The following ARHGEF11 variants were observed in gnomAD, a reference collection of about 807,000 sequenced individuals.
ARHGEF11 encodes the protein Rho guanine exchange factor (GEF) 11.
In ARHGEF11, 55 loss-of-function variants were observed where a neutral mutation model predicts 193.7. The ratio of observed to expected loss-of-function variants is 0.28; its 90% CI spans 0.23 to 0.36. ARHGEF11 has a LOEUF of 0.36. Ranked by LOEUF, ARHGEF11 falls within the 10% of genes least tolerant of loss-of-function variation. ARHGEF11 has a pLI of 1.00. For synonymous variants in ARHGEF11, 693 were observed against 768.0 expected (o/e 0.90, Z 1.62); for missense variants, 1,723 against 2,005.6 (o/e 0.86, Z 2.69).
At chr1:156,950,607 T>C (rs1368955862) in intron 22 of ARHGEF11, among the ~76,000 whole-genome samples, 1 of 152,028 alleles carries the variant, frequency 6.6e-6, no homozygotes, top group African/African-American at 2.4e-5. Context: ...ACCACTGCAA[T>C]CCAGCCTGGG....
chr1:156,955,595 T>G, intron 20 of ARHGEF11, 108 bp downstream of exon 20: 1 of 858,866 alleles, frequency 1.2e-6, no homozygotes. Context: ...AGTTTGGGCC[T>G]GTGGCTCCCA....
Position 156,937,335 on chromosome 1 carries a change from G to A in ARHGEF11, c.4354C>T (p.Arg1452Cys), listed in dbSNP as rs531379693. The A allele has an allele frequency of 2.2e-5, 35 of 1,613,690 alleles. No individual in the cohort carries two copies. Among genetic ancestry groups the A allele is most frequent in the East Asian group, 2.0e-4 (9 of 44,868 alleles). Reference sequence around the variant, plus strand: ...CTGAGGGCCAGGCTTGGAGGAGAGCGGCTGGGGCGTCTTGGATCATCGTTG... The same window carrying A: ...CTGAGGGCCAGGCTTGGAGGAGAGCAGCTGGGGCGTCTTGGATCATCGTTG... ...GGNDDPRRPS[R>C]SPPSLALRDV... The change falls in exon 39 of 41, where the codon CGC becomes TGC. Residue 1452 changes from arginine (R) to cysteine (C), a missense_variant. Coordinates refer to ENST00000368194, the MANE Select transcript of ARHGEF11 (RefSeq NM_198236.3).
chr1:156,994,286 C>T (rs1048550768), intron 1 of ARHGEF11, among the ~76,000 whole-genome samples: 1 of 152,050 alleles, frequency 6.6e-6, no homozygotes, highest in Non-Finnish European at 1.5e-5. Flanking sequence ...GCTGAAGGAC[C>T]CATATACGTC....
intron 4 of ARHGEF11, 74 bp downstream of exon 4, chr1:156,980,362 AT>A: frequency 6.5e-7 from 1 of 1,535,038 alleles, no homozygotes; most frequent in Non-Finnish European, 8.9e-7. Flanking sequence ...AGTGTGCAGG[AT>A]GGGCCAAGGC....
rs57140356 is a variant in ARHGEF11 at position 156,991,710 on chromosome 1, A to ATTTTTTT, written c.33-5544_33-5538dup. ...TTAGGGTTTTCTTTTTTTCAAGCTT[A>ATTTTTTT]TTTTTTTTTTTTTTTTTTTTTTTTG... On this transcript the variant is annotated intron_variant, in intron 1 of 40. Transcript: ENST00000368194. Among the ~76,000 whole-genome samples, 403 of 83,926 alleles carry ATTTTTTT rather than the reference A, an allele frequency of 4.8e-3. 27 individuals are homozygous for ATTTTTTT. The highest frequency in any genetic ancestry group is 6.4e-3 in the Non-Finnish European group (275 of 42,868). 55.1% of individuals were successfully genotyped at this position (83,926 alleles called of 152,430 possible).
chr1:156,992,757 C>T (rs1665939514), intron 1 of ARHGEF11, among the ~76,000 whole-genome samples: 2 of 152,148 alleles, frequency 1.3e-5, no homozygotes, highest in East Asian at 3.8e-4. Flanking sequence ...TGAGTGGTGG[C>T]AGCCCTCTCC....
Position 156,984,330 on chromosome 1 carries a change from A to G in ARHGEF11, c.223+9T>C, listed in dbSNP as rs376511124. ...TGTCCACCGTGGGCAGGAGGGATGC[A>G]GCACTCACCAGGCCGCACAGACTGC... On this transcript the variant is annotated intron_variant, in intron 3 of 40. Coordinates refer to ENST00000368194, the MANE Select transcript of ARHGEF11 (RefSeq NM_198236.3). 6 of 1,575,006 alleles carry G rather than the reference A, an allele frequency of 3.8e-6. No individual in the cohort carries two copies. The African/African-American group carries it at 8.1e-5, about 21-fold the overall frequency.
intron 1 of ARHGEF11, among the ~76,000 whole-genome samples, chr1:157,021,284 T>G (rs1669940529): frequency 6.6e-6 from 1 of 152,150 alleles, no homozygotes; most frequent in African/African-American, 2.4e-5. Flanking sequence ...CCTAAAGCCT[T>G]TATCAAGTAT....
intron 19 of ARHGEF11, among the ~76,000 whole-genome samples, 173 bp from the exon 20 acceptor site, chr1:156,955,972 G>A (rs1329614228): frequency 6.6e-6 from 1 of 152,220 alleles, no homozygotes; most frequent in East Asian, 1.9e-4. Flanking sequence ...GGAAGAGACT[G>A]AGAGCTGCTC....
chr1:157,045,954 G>C (rs1027376206), upstream of ARHGEF11, among the ~76,000 whole-genome samples: 2 of 150,474 alleles, frequency 1.3e-5, no homozygotes, highest in African/African-American at 4.9e-5. Context: ...CGCCGCGGCG[G>C]CCGGGGGCGG....
At position 156,986,115 on chromosome 1, in the gene ARHGEF11, G is replaced by T. The variant is rs1270686480; in HGVS notation, c.91C>A (p.His31Asn). 2.5e-6 allele frequency: 4 copies of T among 1,613,880 alleles called. No individual in the cohort carries two copies. The African/African-American group carries it at 5.3e-5, about 22-fold the overall frequency. ...TCAGAGGCATCCGAAGGCTGGCGAT[G>T]GTGGGAAGGGGACTTGCGCTCTGGT... ...SAPERKSPSH[H>N]RQPSDASETT... Residue 31 changes from histidine to asparagine, a missense_variant, in exon 2 of 41, where the codon CAT becomes AAT. This residue lies in a region of ARHGEF11 where 646 missense variants were observed against 710.7 expected (regional missense o/e 0.91). Transcript: ENST00000368194.
intron 35 of ARHGEF11, among the ~76,000 whole-genome samples, chr1:156,940,907 C>T (rs1656726788): frequency 6.6e-6 from 1 of 152,192 alleles, no homozygotes; most frequent in African/African-American, 2.4e-5. Context: ...CCCAAGACCC[C>T]AGGTTATTTC....
chr1:156,957,691 A>G, intron 18 of ARHGEF11, 101 bp downstream of exon 18: 3 of 1,301,530 alleles, frequency 2.3e-6, no homozygotes, highest in Non-Finnish European at 3.3e-6. Flanking sequence ...GTTGTACAAC[A>G]TGAGGGACTC....
chr1:156,938,328 G>T, intron 38 of ARHGEF11, 90 bp downstream of exon 38: 2 of 1,235,434 alleles, frequency 1.6e-6, no homozygotes, highest in Non-Finnish European at 2.3e-6. Context: ...GTGGGTGTGT[G>T]TGTGACCATG....
In ARHGEF11 at chr1:156,986,135, T is replaced by G. The variant is rs1185651536; in HGVS notation, c.71A>C (p.Glu24Ala). The change falls in exon 2 of 41, where the codon GAG becomes GCG. Residue 24 changes from glutamate to alanine, a missense_variant. By Grantham distance (107) the Glu-to-Ala change is moderately radical. Transcript: ENST00000368194. ...GCGATGGTGGGAAGGGGACTTGCGC[T>G]CTGGTGCAGAATCTCCCAGAGAAGA... ...SLSSLGDSAP[E>A]RKSPSHHRQP... The G allele has an allele frequency of 4.3e-6, 7 of 1,613,820 alleles. No homozygotes were observed. The African/African-American group carries it at 8.0e-5, about 18-fold the overall frequency.
chr1:156,994,091 C>T (rs1666139606), intron 1 of ARHGEF11, among the ~76,000 whole-genome samples: 1 of 152,186 alleles, frequency 6.6e-6, no homozygotes, highest in Non-Finnish European at 1.5e-5. Flanking sequence ...ATTTATGAGT[C>T]TATCATCAGT....
At chr1:156,960,961 C>A (rs1660745628) in intron 14 of ARHGEF11, among the ~76,000 whole-genome samples, 1 of 152,236 alleles carries the variant, frequency 6.6e-6, no homozygotes, top group Non-Finnish European at 1.5e-5. Flanking sequence ...CAGAGAACAA[C>A]TGGCAGCTCT....
intron 1 of ARHGEF11, among the ~76,000 whole-genome samples, chr1:156,996,705 G>A (rs142370370): frequency 0.014 from 2,099 of 147,328 alleles, 54 homozygotes; most frequent in African/African-American, 0.05. Flanking sequence ...CCCGGGGGGC[G>A]GAGCTTGCAG....
intron 13 of ARHGEF11, among the ~76,000 whole-genome samples, chr1:156,962,795 C>T (rs1009706139): frequency 1.8e-4 from 26 of 142,850 alleles, no homozygotes; most frequent in Non-Finnish European, 2.7e-4. Context: ...AGGAGAACAG[C>T]GTGAACCTGG....
Sources: allele counts gnomAD v4.1 joint callset (sites outside exome capture counted in the v4.1 genomes callset), GRCh38; gene constraint gnomAD v4.1.1; regional missense constraint gnomAD v4.1.1; transcripts MANE v1.5; gene names NCBI Gene and HGNC (gene_info 2026-07-23, HGNC 2026-07-21).